The following APCDD1 variants were observed in gnomAD, a reference collection of about 807,000 sequenced individuals.
APCDD1 encodes the protein protein APCDD1.
In APCDD1, 15 loss-of-function variants were observed where a neutral mutation model predicts 38.1. The ratio of observed to expected loss-of-function variants is 0.39; its 90% CI spans 0.26 to 0.61. The LOEUF is 0.61. Ranked by LOEUF, APCDD1 falls within the 20% of genes least tolerant of loss-of-function variation. The pLI, the probability that APCDD1 is intolerant of heterozygous loss-of-function variation, is 0.49. For missense variants in APCDD1, 647 were observed against 696.2 expected, an observed-to-expected ratio of 0.93 and a Z score of 0.79; for synonymous variants, 261 against 279.7, an observed-to-expected ratio of 0.93 and a Z score of 0.67.
At chr18:10,463,933 G>T (rs139988186) in intron 1 of APCDD1, among the ~76,000 whole-genome samples, 2 of 152,308 alleles carry the variant, frequency 1.3e-5, no homozygotes, top group East Asian at 3.9e-4. Flanking sequence ...CCATCTGGCC[G>T]CTCACATGGG....
rs2030806122 is a variant in APCDD1, at chr18:10,469,701, T to A, written c.242+1049T>A. Reference sequence around the variant, plus strand: ...GCCCCATTTTAAAATCAGGGCGGAGTTCAGAAAGCCTACCAAAGAAGGGGA... The same window carrying A: ...GCCCCATTTTAAAATCAGGGCGGAGATCAGAAAGCCTACCAAAGAAGGGGA... On this transcript the variant is annotated intron_variant, in intron 2 of 4. Coordinates refer to ENST00000355285, the MANE Select transcript of APCDD1 (RefSeq NM_153000.5). This position sits in a 1 kb window ranked among gnomAD's most constrained non-coding sequence, Gnocchi z 5.5. Among the ~76,000 whole-genome samples the A allele has an allele frequency of 6.6e-6, 1 of 151,802 alleles. No homozygotes were observed. Among genetic ancestry groups the A allele is most frequent in the Non-Finnish European group, 1.5e-5 (1 of 67,940 alleles).
At position 10,454,934 on chromosome 18, in the gene APCDD1, C is replaced by T. The variant is rs370904903; in HGVS notation, c.-48C>T. The T allele has an allele frequency of 6.1e-6, 9 of 1,484,106 alleles. No individual in the cohort carries two copies. The African/African-American group carries it at 1.3e-4, about 22-fold the overall frequency. The allele number at this position is 1,484,106 out of a possible 1,614,324, so 91.9% of individuals were successfully genotyped here. On this transcript the variant is annotated 5_prime_UTR_variant, in exon 1 of 5. Coordinates refer to ENST00000355285, the MANE Select transcript of APCDD1 (RefSeq NM_153000.5). ...CAGAGCGCGCGCCCAGTTGCCCGGGCACCAAATCGGAGCGCGGCGTGCGGG... is the reference window on the plus strand; with the variant it reads ...CAGAGCGCGCGCCCAGTTGCCCGGGTACCAAATCGGAGCGCGGCGTGCGGG...
chr18:10,465,178 G>A (rs1347897419), intron 1 of APCDD1, among the ~76,000 whole-genome samples: 1 of 152,168 alleles, frequency 6.6e-6, no homozygotes, highest in African/African-American at 2.4e-5. Flanking sequence ...TCTGCAGGCC[G>A]TGTGCATCTC....
chr18:10,486,965 G>A (rs981242129), intron 4 of APCDD1, among the ~76,000 whole-genome samples: 2 of 152,216 alleles, frequency 1.3e-5, no homozygotes, highest in African/African-American at 2.4e-5. Context: ...CCACCCTGAA[G>A]CTCATCGTGT....
intron 1 of APCDD1, among the ~76,000 whole-genome samples, chr18:10,460,561 C>CAA (rs1176892434): frequency 6.7e-6 from 1 of 150,160 alleles, no homozygotes; most frequent in Non-Finnish European, 1.5e-5. Flanking sequence ...AACAAACAAG[C>CAA]AAAAAAAACT....
chr18:10,459,316 G>GCACACACACA (rs56849201), intron 1 of APCDD1, among the ~76,000 whole-genome samples: 3,991 of 150,210 alleles, frequency 0.027, 152 homozygotes, highest in African/African-American at 0.09. Flanking sequence ...CCACAAGCGT[G>GCACACACACA]CACACACACA....
chr18:10,458,249 T>G (rs1204857007), intron 1 of APCDD1, among the ~76,000 whole-genome samples: 1 of 152,254 alleles, frequency 6.6e-6, no homozygotes, highest in African/African-American at 2.4e-5. Context: ...CTGTTTACTT[T>G]TGTAGAATTC....
chr18:10,486,849 A>G (rs1301361517), intron 4 of APCDD1, among the ~76,000 whole-genome samples: 1 of 152,224 alleles, frequency 6.6e-6, no homozygotes, highest in African/African-American at 2.4e-5. Context: ...CTGTTAACCC[A>G]GAAAGTCCTG....
In APCDD1 at chr18:10,471,881, C is replaced by T. The variant is rs1225183095; in HGVS notation, c.594C>T (p.Cys198=). The T allele has an allele frequency of 1.2e-6, 2 of 1,614,092 alleles. No individual in the cohort carries two copies. Among genetic ancestry groups the T allele is most frequent in the Non-Finnish European group, 1.7e-6 (2 of 1,180,054 alleles). Residue 198 remains cysteine (C), a synonymous_variant, in exon 3 of 5, where the codon TGC becomes TGT. Transcript: ENST00000355285. The surrounding 1 kb of genome is among the most constrained non-coding windows in gnomAD (Gnocchi z 5.5). ...GGCGAGAGGAGAACGGCTGTGAGTG[C>T]ACCAAGGCCGTGAACTTTGCCATGC... ...DLWREENGCE[C]TKAVNFAMHE...
chr18:10,479,993 T>C (rs1299605500), intron 3 of APCDD1, among the ~76,000 whole-genome samples: 8 of 152,364 alleles, frequency 5.3e-5, no homozygotes, highest in Non-Finnish European at 1.2e-4. Context: ...TTCCCCTTTC[T>C]GATGAAAGCT....
At chr18:10,480,506 C>T (rs1301747684) in intron 3 of APCDD1, among the ~76,000 whole-genome samples, 2 of 152,130 alleles carry the variant, frequency 1.3e-5, no homozygotes, top group Non-Finnish European at 2.9e-5. Context: ...CCTTATTCAA[C>T]GGTAGCTAAA....
At position 10,468,456 on chromosome 18, in the gene APCDD1, C is replaced by A; in HGVS notation, c.59-13C>A. ...CTTCTTCTTTTGGCTAACTTTCCAC[C>A]TTTATTTTTCAGGGCTGGGAGAGGG... On this transcript the variant is annotated splice_polypyrimidine_tract_variant and intron_variant, in intron 1 of 4. Coordinates refer to ENST00000355285, the MANE Select transcript of APCDD1 (RefSeq NM_153000.5). 1 of 1,613,864 alleles carries A rather than the reference C, an allele frequency of 6.2e-7. No individual in the cohort carries two copies. The highest frequency in any genetic ancestry group is 8.5e-7 in the Non-Finnish European group (1 of 1,179,944).
At position 10,487,596 on chromosome 18, in the gene APCDD1, A is replaced by T. The variant is rs2143567669; in HGVS notation, c.1103A>T (p.His368Leu). 3 of 1,614,022 alleles carry T rather than the reference A, an allele frequency of 1.9e-6. No individual in the cohort carries two copies. Among genetic ancestry groups the T allele is most frequent in the Non-Finnish European group, 2.5e-6 (3 of 1,180,030 alleles). Reference protein sequence around the residue: ...GGTEFVFKVNHMKVTPMDAAT... With the variant: ...GGTEFVFKVNLMKVTPMDAAT... ...TCTCCTTTCTCCTTTGCAGTGAATCACATGAAGGTCACCCCCATGGATGCG... is the reference window on the plus strand; with the variant it reads ...TCTCCTTTCTCCTTTGCAGTGAATCTCATGAAGGTCACCCCCATGGATGCG... The change falls in exon 5 of 5, where the codon CAC becomes CTC. Residue 368 changes from histidine to leucine, a missense_variant. By Grantham distance (99) the His-to-Leu change is moderately conservative. Transcript: ENST00000355285.
chr18:10,486,317 G>A (rs906999045), intron 4 of APCDD1, among the ~76,000 whole-genome samples: 1 of 152,090 alleles, frequency 6.6e-6, no homozygotes. Context: ...TCATGCCACT[G>A]TACTCCAGCC....
rs1203023876 is a variant in APCDD1 at position 10,488,921 on chromosome 18, T to G, written c.*883T>G. The G allele has an allele frequency of 6.6e-6, 1 of 152,268 alleles. No individual in the cohort carries two copies. Among genetic ancestry groups the G allele is most frequent in the East Asian group, 1.9e-4 (1 of 5,198 alleles). The allele number at this position is 152,268 out of a possible 1,614,324, so 9.4% of individuals were successfully genotyped here. ...GTGCCCGTTCATTGCAGTTTCCTCT[T>G]CCTGGGGGACCTGAGCCCTGACTCA... is the stretch of plus-strand genomic sequence containing the variant. On this transcript the variant is annotated 3_prime_UTR_variant, in exon 5 of 5. Coordinates refer to ENST00000355285, the MANE Select transcript of APCDD1 (RefSeq NM_153000.5).
rs2557 is a variant in APCDD1 at position 10,488,618 on chromosome 18, A to G, written c.*580A>G. On this transcript the variant is annotated 3_prime_UTR_variant, in exon 5 of 5. Coordinates refer to ENST00000355285, the MANE Select transcript of APCDD1 (RefSeq NM_153000.5). Reference sequence around the variant, plus strand: ...AACCACCTTCCCAGCCTTTATGCAAAAAAAGGGGAGAATCAAAGCTTTCAT... The same window carrying G: ...AACCACCTTCCCAGCCTTTATGCAAGAAAAGGGGAGAATCAAAGCTTTCAT... 0.096 allele frequency: 14,623 copies of G among 152,348 alleles called. 901 individuals are homozygous for G. Among genetic ancestry groups the G allele is most frequent in the East Asian group, 0.21 (1,085 of 5,184 alleles). 9.4% of individuals were successfully genotyped at this position (152,348 alleles called of 1,614,324 possible). A position where few individuals can be genotyped will look rare whatever the true frequency, so the allele number is the denominator to read the frequency against.
chr18:10,466,974 C>T (rs143041342), intron 1 of APCDD1, among the ~76,000 whole-genome samples: 4 of 152,272 alleles, frequency 2.6e-5, no homozygotes, highest in African/African-American at 7.2e-5. Flanking sequence ...TCTGTAAGAA[C>T]GATCAGAAGC....
At chr18:10,455,179 C>A in intron 1 of APCDD1, 140 bp downstream of exon 1, 1 of 1,373,138 alleles carries the variant, frequency 7.3e-7, no homozygotes, top group Non-Finnish European at 9.5e-7. Flanking sequence ...GGGAGCCCCG[C>A]GCCTGCCGTC....
chr18:10,459,021 A>G (rs1001825062), intron 1 of APCDD1, among the ~76,000 whole-genome samples: 34 of 152,332 alleles, frequency 2.2e-4, no homozygotes, highest in African/African-American at 7.9e-4. Flanking sequence ...TGGAGAAAGG[A>G]TATGGTATCA....
Sources: allele counts gnomAD v4.1 joint callset (sites outside exome capture counted in the v4.1 genomes callset), GRCh38; gene constraint gnomAD v4.1.1; non-coding constraint Gnocchi (gnomAD v3.1); transcripts MANE v1.5; gene names NCBI Gene and HGNC (gene_info 2026-07-23, HGNC 2026-07-21).